Variants in FRMD3 observed in about 807,000 individuals in gnomAD.
The protein encoded by FRMD3 is FERM domain containing 3, also known as FERM domain-containing protein 3.
Under a neutral mutation model 70.2 loss-of-function variants are expected in FRMD3, and 33 were observed. The observed-to-expected ratio is 0.47, with a 90% CI of 0.36 to 0.63. FRMD3 has a LOEUF of 0.63. Ranked by LOEUF, FRMD3 falls within the 20% of genes least tolerant of loss-of-function variation. The probability of loss-of-function intolerance (pLI) is 0.00; values close to 1 mark genes in which losing one functional copy is unlikely to be tolerated. For synonymous variants in FRMD3, 279 were observed against 255.9 expected (o/e 1.09, Z -0.86); for missense variants, 632 against 711.4 (o/e 0.89, Z 1.27).
At chr9:83,508,228 T>C (rs567051463) in intron 1 of FRMD3, among the ~76,000 whole-genome samples, 1 of 152,126 alleles carries the variant, frequency 6.6e-6, no homozygotes, top group Non-Finnish European at 1.5e-5. Context: ...AGCACTAACC[T>C]ATGATGTCAG....
chr9:83,349,251 G>A (rs968241803), intron 4 of FRMD3, among the ~76,000 whole-genome samples: 4 of 152,220 alleles, frequency 2.6e-5, no homozygotes, highest in African/African-American at 9.6e-5. Context: ...CTCCCAGTCG[G>A]TCATTCAGCA....
the FRMD3 span, among the ~76,000 whole-genome samples, chr9:83,579,725 G>A: frequency 1.4e-4 from 22 of 152,090 alleles, no homozygotes; most frequent in South Asian, 1.5e-3. Context: ...TAGCCTGGGC[G>A]CAATGGTTTT....
chr9:83,458,367 CAA>C (rs1398781017), intron 1 of FRMD3, among the ~76,000 whole-genome samples: 2 of 152,132 alleles, frequency 1.3e-5, no homozygotes, highest in African/African-American at 2.4e-5. Flanking sequence ...AGGATCTGGC[CAA>C]AGAGTCCATT....
intron 1 of FRMD3, among the ~76,000 whole-genome samples, chr9:83,390,392 C>T (rs1015975481): frequency 6.6e-6 from 1 of 152,152 alleles, no homozygotes; most frequent in Non-Finnish European, 1.5e-5. Flanking sequence ...TGGCTCTCAG[C>T]GGGAATGGTA....
chr9:83,407,837 G>GTCTCAGTCTCTCTCTCTCTCTCTCTC (rs1554700495), intron 1 of FRMD3, among the ~76,000 whole-genome samples: 3 of 103,660 alleles, frequency 2.9e-5, no homozygotes, highest in African/African-American at 1.2e-4. Flanking sequence ...GGGTTGTTGA[G>GTCTCAGTCTCTCTCTCTCTCTCTCTC]TCTCTCTCTC....
At chr9:83,378,804 T>A (rs1825262143) in intron 2 of FRMD3, among the ~76,000 whole-genome samples, 1 of 126,456 alleles carries the variant, frequency 7.9e-6, no homozygotes, top group Admixed American at 8.7e-5. Flanking sequence ...AATTTATATA[T>A]ATACTATATA....
At chr9:83,301,623 C>T (rs561375574) in intron 10 of FRMD3, among the ~76,000 whole-genome samples, 2 of 152,308 alleles carry the variant, frequency 1.3e-5, no homozygotes, top group African/African-American at 2.4e-5. Context: ...CCGGCAAAGC[C>T]GGCGCAGGTG....
At chr9:83,446,859 T>C (rs1481245672) in intron 1 of FRMD3, among the ~76,000 whole-genome samples, 2 of 152,172 alleles carry the variant, frequency 1.3e-5, no homozygotes, top group African/African-American at 4.8e-5. Context: ...ATTCTAAATG[T>C]TCTAATTTAT....
intron 7 of FRMD3, among the ~76,000 whole-genome samples, chr9:83,313,010 G>T (rs1390852629): frequency 6.6e-6 from 1 of 152,248 alleles, no homozygotes. Context: ...TAGGACTAGT[G>T]TCTGGCTGAT....
At chr9:83,373,640 T>C (rs1215667849) in intron 2 of FRMD3, among the ~76,000 whole-genome samples, 1 of 98,862 alleles carries the variant, frequency 1.0e-5, no homozygotes, top group East Asian at 2.5e-4. Flanking sequence ...CTACAGCACA[T>C]ACAAAGATCA....
chr9:83,509,734 T>A (rs1829293002), intron 1 of FRMD3, among the ~76,000 whole-genome samples: 1 of 152,154 alleles, frequency 6.6e-6, no homozygotes, highest in South Asian at 2.1e-4. Flanking sequence ...CTACTGCATG[T>A]GAATCTACAA....
chr9:83,281,704 G>A (rs753561598), intron 13 of FRMD3: 1 of 152,202 alleles, frequency 6.6e-6, no homozygotes, highest in Non-Finnish European at 1.5e-5. Flanking sequence ...ACCAGAACAT[G>A]ATTCCCAGAA....
At chr9:83,468,719 G>A (rs572776280) in intron 1 of FRMD3, among the ~76,000 whole-genome samples, 57 of 152,272 alleles carry the variant, frequency 3.7e-4, no homozygotes, top group South Asian at 2.1e-4. Context: ...AAATGTGTCC[G>A]TGGAAACTTT....
rs1832134547 is a variant in FRMD3 at position 83,246,936 on chromosome 9, A to G, written c.*982T>C. ...AGCCTCACCAGAACTCATTTTTGCCACTTTCCATTTCTCCAGTTCCTATCT... is the reference window on the plus strand; with the variant it reads ...AGCCTCACCAGAACTCATTTTTGCCGCTTTCCATTTCTCCAGTTCCTATCT... On this transcript the variant is annotated 3_prime_UTR_variant, in exon 14 of 14. Transcript: ENST00000304195. The G allele has an allele frequency of 2.0e-6, 2 of 985,294 alleles. No homozygotes were observed. The highest frequency in any genetic ancestry group is 6.2e-5 in the Admixed American group (1 of 16,256). 61.0% of individuals were successfully genotyped at this position (985,294 alleles called of 1,614,324 possible). A position where few individuals can be genotyped will look rare whatever the true frequency, so the allele number is the denominator to read the frequency against.
intron 4 of FRMD3, among the ~76,000 whole-genome samples, chr9:83,343,574 G>A (rs766303655): frequency 6.6e-6 from 1 of 152,146 alleles, no homozygotes; most frequent in Non-Finnish European, 1.5e-5. Context: ...ACAGGACCCA[G>A]TGGCCAGAGC....
chr9:83,405,382 C>T (rs1038834325), intron 1 of FRMD3, among the ~76,000 whole-genome samples: 23 of 152,068 alleles, frequency 1.5e-4, no homozygotes. Context: ...GATCCACTTA[C>T]ATCTGAACCC....
chr9:83,316,148 C>CTTTTTTTT (rs369641019), intron 6 of FRMD3, among the ~76,000 whole-genome samples: 4 of 134,492 alleles, frequency 3.0e-5, no homozygotes, highest in East Asian at 2.1e-4. Context: ...TCTTTTTTCT[C>CTTTTTTTT]TTTTTTTTTT....
At position 83,248,024 on chromosome 9, in the gene FRMD3, C is replaced by T. The variant is rs779982501; in HGVS notation, c.1688G>A (p.Arg563His). The T allele has an allele frequency of 3.7e-6, 6 of 1,614,098 alleles. No individual in the cohort carries two copies. Among genetic ancestry groups the T allele is most frequent in the Non-Finnish European group, 5.1e-6 (6 of 1,180,024 alleles). Residue 563 changes from arginine to histidine, a missense_variant, in exon 14 of 14, where the codon CGC (arginine) becomes CAC (histidine). By Grantham distance (29) the Arg-to-His change is conservative (BLOSUM62 0). Around this residue, in one of 3 missense-constraint regions of FRMD3, gnomAD observed 418 missense variants for 442.1 expected, o/e 0.95. Coordinates refer to ENST00000304195, the MANE Select transcript of FRMD3 (RefSeq NM_174938.6). The stretch of plus-strand genomic sequence containing the variant: ...AAACTGCTCAAACTCTGGTGTCTGG[C>T]GGATTTCGCATAAGAAGGAGAGATC... ...GIDLSFLCEI[R>H]QTPEFEQFHY... is the part of the protein sequence containing the mutation.
At chr9:83,249,875 T>C (rs568674902) in intron 13 of FRMD3, among the ~76,000 whole-genome samples, 1 of 152,206 alleles carries the variant, frequency 6.6e-6, no homozygotes, top group South Asian at 2.1e-4. Context: ...TTCTGGCCAT[T>C]GTGAGAAAAA....
Sources: allele counts gnomAD v4.1 joint callset (sites outside exome capture counted in the v4.1 genomes callset), GRCh38; gene constraint gnomAD v4.1.1; regional missense constraint gnomAD v4.1.1; transcripts MANE v1.5; gene names NCBI Gene and HGNC (gene_info 2026-07-23, HGNC 2026-07-21).